SLC22A3: variants seen among roughly 807,000 people sequenced by gnomAD.
The protein encoded by SLC22A3 is solute carrier family 22 member 3, also known as EMT organic cation transporter 3.
In SLC22A3, 51 loss-of-function variants were observed where a neutral mutation model predicts 59.1. The observed-to-expected ratio is 0.86, with a 90% CI of 0.69 to 1.09. The LOEUF is 1.09. Ranked by LOEUF, SLC22A3 falls within the 50% of genes least tolerant of loss-of-function variation. The pLI, the probability that SLC22A3 is intolerant of heterozygous loss-of-function variation, is 0.00. For synonymous variants in SLC22A3, 325 were observed against 292.0 expected (o/e 1.11, Z -1.15); for missense variants, 711 against 726.3 (o/e 0.98, Z 0.24).
chr6:160,396,316 C>A (rs567486635), intron 1 of SLC22A3, among the ~76,000 whole-genome samples: 1 of 152,266 alleles, frequency 6.6e-6, no homozygotes, highest in South Asian at 2.1e-4. Context: ...ATGTAAATGA[C>A]TGATGACTTA....
chr6:160,416,444 C>T (rs372207672), intron 5 of SLC22A3, among the ~76,000 whole-genome samples: 25 of 150,604 alleles, frequency 1.7e-4, no homozygotes, highest in African/African-American at 4.7e-4. Context: ...CATTTGCATA[C>T]GATAACTTTT....
At chr6:160,404,706 C>T (rs1225159818) in intron 2 of SLC22A3, among the ~76,000 whole-genome samples, 1 of 152,048 alleles carries the variant, frequency 6.6e-6, no homozygotes, top group East Asian at 1.9e-4. Context: ...CGTAAAGCGA[C>T]AGTAATCACG....
At chr6:160,350,893 A>T (rs888079790) in intron 1 of SLC22A3, among the ~76,000 whole-genome samples, 1 of 151,820 alleles carries the variant, frequency 6.6e-6, no homozygotes, top group African/African-American at 2.4e-5. Context: ...TGGGTGAGTT[A>T]CTCGCCTTCT....
intron 1 of SLC22A3, among the ~76,000 whole-genome samples, chr6:160,353,846 A>G (rs996847807): frequency 6.6e-6 from 1 of 151,946 alleles, no homozygotes; most frequent in Non-Finnish European, 1.5e-5. Context: ...TGAGAATATA[A>G]TGACTGGGAG....
At chr6:160,400,798 A>G (rs1786742023) in intron 2 of SLC22A3, among the ~76,000 whole-genome samples, 2 of 152,122 alleles carry the variant, frequency 1.3e-5, no homozygotes, top group Admixed American at 1.3e-4. Flanking sequence ...AGTAGCATGC[A>G]AGAACAGTTG....
Position 160,451,439 on chromosome 6 carries a change from G to A in SLC22A3, c.*383G>A, listed in dbSNP as rs1213816979. ...TGGGATGTGCCGACCAAGGATTTGA[G>A]AAAGTTGTACAGAAATGTGTTCATC... is the stretch of plus-strand genomic sequence containing the variant. On this transcript the variant is annotated 3_prime_UTR_variant, in exon 11 of 11. Transcript: ENST00000275300. 1 of 213,258 alleles carries A rather than the reference G, an allele frequency of 4.7e-6. No homozygotes were observed. Among genetic ancestry groups the A allele is most frequent in the African/African-American group, 2.3e-5 (1 of 43,690 alleles). The allele number at this position is 213,258 out of a possible 1,614,324, so 13.2% of individuals were successfully genotyped here.
rs879699002 is a variant in SLC22A3 at position 160,393,259 on chromosome 6, G to GTTTA, written c.430-4700_430-4697dup. 4.7e-3 allele frequency among the ~76,000 whole-genome samples: 704 copies of GTTTA among 151,282 alleles called. 4 individuals carry two copies. The highest frequency in any genetic ancestry group is 0.016 in the African/African-American group (666 of 41,288). On this transcript the variant is annotated intron_variant, in intron 1 of 10. Coordinates refer to ENST00000275300, the MANE Select transcript of SLC22A3 (RefSeq NM_021977.4). ...GGAGCAAATGAGGCCCCTCTCCTGA[G>GTTTA]TTTATTTATTTATTTATTTATTTTA...
At chr6:160,429,409 G>A (rs1044149394) in intron 5 of SLC22A3, among the ~76,000 whole-genome samples, 4 of 152,148 alleles carry the variant, frequency 2.6e-5, no homozygotes, top group African/African-American at 9.7e-5. Flanking sequence ...TAGACAAGCA[G>A]CTACTAACAC....
At chr6:160,436,916 A>C in intron 6 of SLC22A3, 39 bp downstream of exon 6, 1 of 1,610,698 alleles carries the variant, frequency 6.2e-7, no homozygotes, top group Non-Finnish European at 8.5e-7. Flanking sequence ...GCTTGCGTTA[A>C]ATTTACAATA....
intron 5 of SLC22A3, among the ~76,000 whole-genome samples, chr6:160,423,034 A>C (rs938340446): frequency 2.6e-5 from 4 of 151,636 alleles, no homozygotes; most frequent in African/African-American, 9.7e-5. Context: ...TCCTGTGTCC[A>C]AGTGTTCTCA....
intron 8 of SLC22A3, 117 bp downstream of exon 8, chr6:160,442,986 C>A (rs1264404278): frequency 5.2e-6 from 4 of 770,428 alleles, no homozygotes; most frequent in Non-Finnish European, 9.1e-6. Flanking sequence ...TTAGCCTAGG[C>A]TGAATCCAGC....
intron 1 of SLC22A3, among the ~76,000 whole-genome samples, chr6:160,396,228 A>T (rs2114828861): frequency 6.6e-6 from 1 of 152,214 alleles, no homozygotes; most frequent in East Asian, 1.9e-4. Flanking sequence ...CTTCAGGGCA[A>T]CAAACAATGG....
chr6:160,376,982 G>C (rs1051292942), intron 1 of SLC22A3, among the ~76,000 whole-genome samples: 3 of 152,212 alleles, frequency 2.0e-5, no homozygotes, highest in Non-Finnish European at 2.9e-5. Flanking sequence ...ATGCACCCCA[G>C]TTGTGGGATA....
intron 1 of SLC22A3, among the ~76,000 whole-genome samples, chr6:160,368,405 T>C (rs540281978): frequency 1.3e-5 from 2 of 152,232 alleles, no homozygotes; most frequent in Non-Finnish European, 2.9e-5. Flanking sequence ...TACCACACCC[T>C]TGATGCCTGT....
At chr6:160,426,046 G>T (rs746851868) in intron 5 of SLC22A3, 24 of 985,302 alleles carry the variant, frequency 2.4e-5, no homozygotes, top group Non-Finnish European at 2.7e-5. Context: ...ACCATGTGCA[G>T]AAAATATTCT....
At chr6:160,435,367 C>A (rs1788300043) in intron 5 of SLC22A3, among the ~76,000 whole-genome samples, 1 of 152,084 alleles carries the variant, frequency 6.6e-6, no homozygotes, top group African/African-American at 2.4e-5. Flanking sequence ...TCTTTCTTAC[C>A]AGCTCAGTTG....
chr6:160,381,211 T>C (rs1035185782), intron 1 of SLC22A3, among the ~76,000 whole-genome samples: 1 of 152,190 alleles, frequency 6.6e-6, no homozygotes, highest in African/African-American at 2.4e-5. Flanking sequence ...GCTGTTCTTA[T>C]TCTATGGTGG....
chr6:160,429,872 C>T (rs1221494288), intron 5 of SLC22A3, among the ~76,000 whole-genome samples: 3 of 150,976 alleles, frequency 2.0e-5, no homozygotes, highest in African/African-American at 7.3e-5. Flanking sequence ...GGCAGAGCAA[C>T]CATTCTCTTT....
intron 1 of SLC22A3, among the ~76,000 whole-genome samples, chr6:160,357,555 A>G (rs750705799): frequency 6.6e-6 from 1 of 152,202 alleles, no homozygotes; most frequent in Admixed American, 6.5e-5. Flanking sequence ...TAGCACATTT[A>G]TGGGGATTAA....
Sources: gnomAD v4.1 joint callset for allele counts (sites outside exome capture counted in the v4.1 genomes callset) on GRCh38, gnomAD v4.1.1 for gene constraint, MANE v1.5 for transcripts, NCBI Gene and HGNC (gene_info 2026-07-23, HGNC 2026-07-21) for gene names.